Variants in CNTN4 observed in about 807,000 individuals in gnomAD.
CNTN4 encodes the protein contactin 4.
In CNTN4, 77 loss-of-function variants were observed where a neutral mutation model predicts 122.5. That is an observed-to-expected ratio of 0.63 (90% CI 0.52 to 0.76). CNTN4 has a LOEUF of 0.76. CNTN4 is among the 30% of genes least tolerant of loss of function. CNTN4 has a pLI of 0.00. For missense variants in CNTN4, 1,256 were observed against 1,259.1 expected, an observed-to-expected ratio of 1.00 and a Z score of 0.04; for synonymous variants, 512 against 447.0, an observed-to-expected ratio of 1.15 and a Z score of -1.83.
intron 7 of CNTN4, among the ~76,000 whole-genome samples, chr3:2,850,741 G>A (rs1044189879): frequency 9.2e-5 from 14 of 152,228 alleles, no homozygotes; most frequent in African/African-American, 3.1e-4. Flanking sequence ...TTACCTATGC[G>A]AACCTGTAGA....
At position 3,026,355 on chromosome 3, in the gene CNTN4, A is replaced by T. The variant is rs536450124; in HGVS notation, c.1662+78A>T. The T allele has an allele frequency of 6.1e-6, 8 of 1,305,320 alleles. 2 individuals are homozygous for T. The South Asian group carries it at 9.8e-5, about 16-fold the overall frequency. 80.9% of individuals were successfully genotyped at this position (1,305,320 alleles called of 1,614,324 possible). On this transcript the variant is annotated intron_variant, in intron 15 of 24. Transcript: ENST00000418658. ...ACAATATATTTAAAGTTACTATTTTAGAATTTTGTTCAAGTAATCTTATGG... is the reference window on the plus strand; with the variant it reads ...ACAATATATTTAAAGTTACTATTTTTGAATTTTGTTCAAGTAATCTTATGG...
At chr3:2,801,206 C>G (rs1264547235) in intron 6 of CNTN4, among the ~76,000 whole-genome samples, 1 of 152,172 alleles carries the variant, frequency 6.6e-6, no homozygotes, top group East Asian at 1.9e-4. Flanking sequence ...GTTAAGAGAA[C>G]TGAATGAATG....
At chr3:2,422,941 G>C (rs2047666820) in intron 3 of CNTN4, among the ~76,000 whole-genome samples, 1 of 152,194 alleles carries the variant, frequency 6.6e-6, no homozygotes, top group African/African-American at 2.4e-5. Context: ...TGGATGTCTA[G>C]TGCCGAATTT....
intron 13 of CNTN4, among the ~76,000 whole-genome samples, chr3:2,931,020 G>A (rs1021161879): frequency 6.6e-6 from 1 of 152,216 alleles, no homozygotes; most frequent in Non-Finnish European, 1.5e-5. Flanking sequence ...TGAATCAGAA[G>A]ACCATGGACA....
At chr3:2,482,185 A>G (rs953742919) in intron 3 of CNTN4, among the ~76,000 whole-genome samples, 2 of 152,176 alleles carry the variant, frequency 1.3e-5, no homozygotes, top group African/African-American at 4.8e-5. Flanking sequence ...GATATGGACA[A>G]TGAAGTCCAG....
chr3:2,929,922 T>A (rs768186883), intron 13 of CNTN4, among the ~76,000 whole-genome samples: 2 of 152,170 alleles, frequency 1.3e-5, no homozygotes, highest in Non-Finnish European at 2.9e-5. Context: ...ACTCCCACCA[T>A]AATTACAGAG....
At position 2,795,183 on chromosome 3, in the gene CNTN4, C is replaced by T. The variant is rs2092131890; in HGVS notation, c.359-24303C>T. ...GGAATATTTAAATGATTAAATAACC[C>T]GAAAAAGTTACTGTTTTGAAAGTAT... On this transcript the variant is annotated intron_variant, in intron 6 of 24. Transcript: ENST00000418658. Among the ~76,000 whole-genome samples the T allele has an allele frequency of 2.0e-5, 3 of 152,118 alleles. 1 individual carries two copies. The highest frequency in any genetic ancestry group is 4.1e-4 in the South Asian group (2 of 4,826).
At chr3:2,920,763 T>C (rs2094420923) in intron 12 of CNTN4, among the ~76,000 whole-genome samples, 1 of 151,970 alleles carries the variant, frequency 6.6e-6, no homozygotes. Flanking sequence ...TGTATTATTT[T>C]ATTTAATCCT....
intron 13 of CNTN4, among the ~76,000 whole-genome samples, chr3:2,927,061 A>C (rs542450357): frequency 4.6e-5 from 7 of 152,288 alleles, no homozygotes; most frequent in Non-Finnish European, 8.8e-5. Flanking sequence ...TATAGTTGAA[A>C]TATAACTAGT....
intron 5 of CNTN4, among the ~76,000 whole-genome samples, chr3:2,744,625 G>C (rs1287377756): frequency 6.6e-6 from 1 of 152,200 alleles, no homozygotes; most frequent in African/African-American, 2.4e-5. Context: ...TAGTGACTGA[G>C]TTATATTAGT....
intron 3 of CNTN4, among the ~76,000 whole-genome samples, chr3:2,462,654 G>C (rs952710369): frequency 1.4e-4 from 21 of 152,094 alleles, no homozygotes; most frequent in Non-Finnish European, 2.8e-4. Context: ...ATAAAAAGAG[G>C]AATAAAAATA....
rs142553489 is a variant in CNTN4, at chr3:2,570,318, C to A, written c.-88-1098C>A. On this transcript the variant is annotated intron_variant, in intron 3 of 24. Transcript: ENST00000418658. Reference sequence around the variant, plus strand: ...CCTCCTGAGTAGCAGGGACTATAGGCGTGCACCACCATGCCAGGCTGATTT... The same window carrying A: ...CCTCCTGAGTAGCAGGGACTATAGGAGTGCACCACCATGCCAGGCTGATTT... Among the ~76,000 whole-genome samples, 14 of 151,902 alleles carry A rather than the reference C, an allele frequency of 9.2e-5. No individual in the cohort carries two copies. In the East Asian group the frequency reaches 2.7e-3, roughly 30 times the overall value.
At chr3:2,495,251 AAAT>A (rs1376497244) in intron 3 of CNTN4, among the ~76,000 whole-genome samples, 3 of 152,228 alleles carry the variant, frequency 2.0e-5, no homozygotes, top group Non-Finnish European at 4.4e-5. Context: ...GCCAAGTAGG[AAAT>A]AATATTTCCC....
chr3:2,123,180 C>A (rs1408957174), intron 2 of CNTN4, among the ~76,000 whole-genome samples: 2 of 152,136 alleles, frequency 1.3e-5, no homozygotes, highest in Admixed American at 1.3e-4. Context: ...TGCCTAGCAC[C>A]CTTGCATATG....
intron 6 of CNTN4, among the ~76,000 whole-genome samples, chr3:2,807,591 C>T (rs891935107): frequency 2.6e-5 from 4 of 152,032 alleles, no homozygotes; most frequent in African/African-American, 7.2e-5. Flanking sequence ...AAACAGCCCT[C>T]GTTGAGCCAG....
At chr3:2,922,391 T>C (rs2094437416) in intron 12 of CNTN4, among the ~76,000 whole-genome samples, 1 of 152,152 alleles carries the variant, frequency 6.6e-6, no homozygotes, top group African/African-American at 2.4e-5. Flanking sequence ...AAAAGGATCA[T>C]CCTACAAGCT....
chr3:2,744,448 C>G (rs181235769), intron 5 of CNTN4, among the ~76,000 whole-genome samples: 1 of 152,288 alleles, frequency 6.6e-6, no homozygotes, highest in East Asian at 1.9e-4. Context: ...TCATTCCTTA[C>G]TCTCATTATG....
chr3:2,988,444 T>C lies in CNTN4; in HGVS notation c.1458T>C (p.Ala486=), dbSNP rs78171908. 739 of 1,613,848 alleles carry C rather than the reference T, an allele frequency of 4.6e-4. 7 individuals are homozygous for C. The East Asian group carries it at 0.012, about 27-fold the overall frequency. ...TAGCCACTAACCATTTTGGAACTGC[T>C]AGCAGTACTGGAAACTTGGTAGTGA... ...TCIATNHFGT[A]SSTGNLVVKD... Residue 486 remains alanine (A), a synonymous_variant, in exon 14 of 25, where the codon GCT becomes GCC. Coordinates refer to ENST00000418658, the MANE Select transcript of CNTN4 (RefSeq NM_175607.3).
intron 4 of CNTN4, among the ~76,000 whole-genome samples, chr3:2,706,689 T>A (rs2086760640): frequency 6.6e-6 from 1 of 152,276 alleles, no homozygotes; most frequent in East Asian, 1.9e-4. Flanking sequence ...TATGACTGGG[T>A]AGATGGGTGC....
Sources: allele counts gnomAD v4.1 joint callset (sites outside exome capture counted in the v4.1 genomes callset), GRCh38; gene constraint gnomAD v4.1.1; transcripts MANE v1.5; gene names NCBI Gene and HGNC (gene_info 2026-07-23, HGNC 2026-07-21).